The following ARHGAP12 variants were observed in gnomAD, a reference collection of about 807,000 sequenced individuals.
ARHGAP12 encodes Rho GTPase activating protein 12.
In ARHGAP12, 64 loss-of-function variants were observed where a neutral mutation model predicts 108.6. The ratio of observed to expected loss-of-function variants is 0.59; its 90% CI spans 0.48 to 0.73. The LOEUF is 0.73. Among genes scored for constraint, ARHGAP12 ranks in the 30% least tolerant of loss-of-function variants. The pLI, the probability that ARHGAP12 is intolerant of heterozygous loss-of-function variation, is 0.00. For missense variants in ARHGAP12, 940 were observed against 1,005.9 expected (o/e 0.93, Z 0.89); for synonymous variants, 312 against 337.2 (o/e 0.93, Z 0.82).
chr10:31,904,347 G>A (rs1174836665), intron 3 of ARHGAP12, among the ~76,000 whole-genome samples: 1 of 152,162 alleles, frequency 6.6e-6, no homozygotes, highest in African/African-American at 2.4e-5. Context: ...TGAATGAAAG[G>A]CCAATCCCCA....
At chr10:31,854,956 T>A (rs1306464195) in intron 4 of ARHGAP12, among the ~76,000 whole-genome samples, 3 of 143,608 alleles carry the variant, frequency 2.1e-5, no homozygotes, top group African/African-American at 7.8e-5. Flanking sequence ...TAGTGAGACC[T>A]CATCTCCATT....
Position 31,894,653 on chromosome 10 carries a change from C to T in ARHGAP12, c.684+13519G>A, listed in dbSNP as rs190619243. ...GCTCATGGATAGGAAGAATCAATAT[C>T]GTGAAAATGGCCATACTGCCCAAGG... On this transcript the variant is annotated intron_variant, in intron 3 of 19. Transcript: ENST00000344936. Among the ~76,000 whole-genome samples, 1,396 of 152,178 alleles carry T rather than the reference C, an allele frequency of 9.2e-3. 12 individuals carry two copies. The highest frequency in any genetic ancestry group is 0.032 in the African/African-American group (1,328 of 41,506).
intron 2 of ARHGAP12, among the ~76,000 whole-genome samples, chr10:31,909,434 C>A (rs1839264788): frequency 6.6e-6 from 1 of 152,192 alleles, no homozygotes; most frequent in African/African-American, 2.4e-5. Flanking sequence ...CAGTTCCCAC[C>A]TGTTTGGGGA....
At chr10:31,884,592 ACT>A (rs1838124220) in intron 3 of ARHGAP12, among the ~76,000 whole-genome samples, 1 of 152,042 alleles carries the variant, frequency 6.6e-6, no homozygotes. Context: ...ATAACAATTA[ACT>A]CTTTGTACTT....
intron 1 of ARHGAP12, among the ~76,000 whole-genome samples, chr10:31,915,775 TA>T (rs1421165698): frequency 1.3e-5 from 2 of 152,144 alleles, no homozygotes; most frequent in Non-Finnish European, 2.9e-5. Context: ...AATTTACGTT[TA>T]AAAAAATGAA....
At chr10:31,813,866 T>C (rs1224375709) in intron 14 of ARHGAP12, among the ~76,000 whole-genome samples, 1 of 152,188 alleles carries the variant, frequency 6.6e-6, no homozygotes, top group Admixed American at 6.5e-5. Flanking sequence ...TGGTGTCCAG[T>C]AGGAAATTAT....
At chr10:31,909,864 C>A (rs1246691084) in intron 2 of ARHGAP12, among the ~76,000 whole-genome samples, 3 of 152,094 alleles carry the variant, frequency 2.0e-5, no homozygotes, top group Admixed American at 6.6e-5. Flanking sequence ...CCACTGCACT[C>A]CAACCTGGGT....
chr10:31,828,039 T>C (rs1305955295), intron 10 of ARHGAP12, among the ~76,000 whole-genome samples: 1 of 152,204 alleles, frequency 6.6e-6, no homozygotes, highest in Admixed American at 6.5e-5. Context: ...TGTTTGTTAA[T>C]GCTACTTTAT....
chr10:31,807,696 A>G lies in ARHGAP12; in HGVS notation c.2503T>C (p.Leu835=), dbSNP rs1368647747. ...HTVYQNQIVE[L]ILLELSSIFG... is the part of the protein sequence containing the mutation. ...ATGGAACTCAGTTCCAGAAGAATTA[A>G]TTCTACAATCTGATTCTGGTACACA... The change falls in exon 20 of 20, where the codon TTA becomes CTA. Residue 835 remains leucine (L), a synonymous_variant. Transcript: ENST00000344936. 6.2e-7 allele frequency: 1 copy of G among 1,605,570 alleles called. No individual in the cohort carries two copies. The highest frequency in any genetic ancestry group is 1.7e-5 in the Admixed American group (1 of 57,592).
At chr10:31,901,785 C>T in intron 3 of ARHGAP12, among the ~76,000 whole-genome samples, 1 of 152,074 alleles carries the variant, frequency 6.6e-6, no homozygotes, top group Non-Finnish European at 1.5e-5. Flanking sequence ...TTTCTTCCAC[C>T]TTCTTGTGGC....
intron 5 of ARHGAP12, 117 bp downstream of exon 5, chr10:31,853,949 T>G: frequency 9.1e-7 from 1 of 1,097,546 alleles, no homozygotes; most frequent in Non-Finnish European, 1.3e-6. Flanking sequence ...GATTATAAAG[T>G]TACAATGAAG....
chr10:31,811,749 A>G (rs1025117165), intron 15 of ARHGAP12, among the ~76,000 whole-genome samples: 9 of 151,924 alleles, frequency 5.9e-5, no homozygotes, highest in Admixed American at 5.3e-4. Context: ...GCTGCACTGC[A>G]GCCTCTAATT....
At chr10:31,811,240 A>G (rs1835004896) in intron 15 of ARHGAP12, among the ~76,000 whole-genome samples, 1 of 152,252 alleles carries the variant, frequency 6.6e-6, no homozygotes, top group Non-Finnish European at 1.5e-5. Context: ...ACCAACAGGT[A>G]TTCATAGCAC....
intron 3 of ARHGAP12, among the ~76,000 whole-genome samples, chr10:31,904,109 C>T (rs751926558): frequency 2.0e-5 from 3 of 152,136 alleles, no homozygotes; most frequent in Non-Finnish European, 4.4e-5. Flanking sequence ...TACTTGTAGG[C>T]GTTTATCCCA....
intron 9 of ARHGAP12, among the ~76,000 whole-genome samples, chr10:31,832,872 T>G (rs993955428): frequency 2.0e-5 from 3 of 152,330 alleles, no homozygotes; most frequent in African/African-American, 7.2e-5. Context: ...CAAACTGCTA[T>G]GTCAATTTAC....
At chr10:31,850,700 G>A (rs1430305018) in intron 6 of ARHGAP12, among the ~76,000 whole-genome samples, 3 of 152,114 alleles carry the variant, frequency 2.0e-5, no homozygotes, top group African/African-American at 7.2e-5. Flanking sequence ...GGAAGACAAT[G>A]AAATATTTGG....
intron 3 of ARHGAP12, among the ~76,000 whole-genome samples, chr10:31,907,837 T>C (rs371195260): frequency 6.6e-6 from 1 of 152,296 alleles, no homozygotes; most frequent in East Asian, 1.9e-4. Context: ...AGTAAAAATT[T>C]TTTCTATTAG....
chr10:31,830,515 G>T (rs558915761), intron 10 of ARHGAP12, among the ~76,000 whole-genome samples: 1 of 151,762 alleles, frequency 6.6e-6, no homozygotes, highest in African/African-American at 2.4e-5. Context: ...TTCTACCAAA[G>T]AACAGTTTAA....
At chr10:31,823,190 T>C (rs1835478767) in intron 11 of ARHGAP12, among the ~76,000 whole-genome samples, 3 of 152,138 alleles carry the variant, frequency 2.0e-5, no homozygotes, top group Admixed American at 2.0e-4. Context: ...AGCTTAACAA[T>C]GCCCAGAACA....
Sources: gnomAD v4.1 joint callset for allele counts (sites outside exome capture counted in the v4.1 genomes callset) on GRCh38, gnomAD v4.1.1 for gene constraint, MANE v1.5 for transcripts, NCBI Gene and HGNC (gene_info 2026-07-23, HGNC 2026-07-21) for gene names.